NRG3: variants seen among roughly 807,000 people sequenced by gnomAD.
NRG3 encodes pro-neuregulin-3, membrane-bound isoform.
Under a neutral mutation model 66.9 loss-of-function variants are expected in NRG3, and 31 were observed. The observed-to-expected ratio is 0.46, with a 90% CI of 0.35 to 0.63. NRG3 has a LOEUF of 0.63. Among genes scored for constraint, NRG3 ranks in the 20% least tolerant of loss-of-function variants. The pLI is 0.00. For synonymous variants in NRG3, 393 were observed against 359.4 expected, an observed-to-expected ratio of 1.09 and a Z score of -1.06; for missense variants, 910 against 878.9, an observed-to-expected ratio of 1.04 and a Z score of -0.45.
intron 1 of NRG3, among the ~76,000 whole-genome samples, chr10:82,099,173 T>G (rs1422461863): frequency 3.3e-5 from 5 of 152,208 alleles, no homozygotes; most frequent in Non-Finnish European, 7.4e-5. Flanking sequence ...TTTGCCTAAC[T>G]TACTGTAGGT....
At chr10:82,114,527 A>G (rs1447111983) in intron 1 of NRG3, among the ~76,000 whole-genome samples, 1 of 152,166 alleles carries the variant, frequency 6.6e-6, no homozygotes, top group Non-Finnish European at 1.5e-5. Context: ...ACAAACACGT[A>G]TACACACACA....
chr10:82,744,948 T>C (rs1321256827), intron 3 of NRG3, among the ~76,000 whole-genome samples: 1 of 152,112 alleles, frequency 6.6e-6, no homozygotes, highest in Non-Finnish European at 1.5e-5. Flanking sequence ...TAGTACACAG[T>C]GTACAAGGCA....
At chr10:82,244,538 A>AT (rs1049757629) in intron 1 of NRG3, among the ~76,000 whole-genome samples, 1 of 151,918 alleles carries the variant, frequency 6.6e-6, no homozygotes, top group Non-Finnish European at 1.5e-5. Context: ...ATTTTGTTGA[A>AT]TTTTTTTCTC....
At chr10:82,018,378 A>T (rs2061889940) in intron 1 of NRG3, among the ~76,000 whole-genome samples, 1 of 152,138 alleles carries the variant, frequency 6.6e-6, no homozygotes, top group African/African-American at 2.4e-5. Flanking sequence ...TGATGCCTCC[A>T]GCTTTGTTCT....
intron 1 of NRG3, among the ~76,000 whole-genome samples, chr10:82,123,605 C>T (rs566618620): frequency 6.6e-5 from 10 of 152,286 alleles, no homozygotes; most frequent in African/African-American, 2.4e-4. Flanking sequence ...CAAACAGTCT[C>T]CCTGCAAAGG....
intron 1 of NRG3, among the ~76,000 whole-genome samples, chr10:82,347,475 C>G (rs1034550332): frequency 4.0e-5 from 6 of 151,614 alleles, no homozygotes; most frequent in African/African-American, 1.5e-4. Context: ...CTGAGGAGAG[C>G]TTTACTTCCA....
At chr10:82,234,080 C>T (rs1431969515) in intron 1 of NRG3, among the ~76,000 whole-genome samples, 1 of 152,148 alleles carries the variant, frequency 6.6e-6, no homozygotes, top group African/African-American at 2.4e-5. Flanking sequence ...CGGCTCAAAA[C>T]CATTCTCATT....
intron 1 of NRG3, among the ~76,000 whole-genome samples, chr10:81,995,268 A>G (rs1364792516): frequency 1.3e-5 from 2 of 152,236 alleles, no homozygotes; most frequent in African/African-American, 4.8e-5. Context: ...ATTATAGTAT[A>G]CAAGAGATAA....
chr10:82,960,200 G>A (rs1850489899), intron 6 of NRG3, among the ~76,000 whole-genome samples: 1 of 152,312 alleles, frequency 6.6e-6, no homozygotes, highest in Admixed American at 6.5e-5. Context: ...TCCCAGGCAA[G>A]TTTTGTTAAA....
chr10:82,711,550 T>C (rs2056668110), intron 2 of NRG3, among the ~76,000 whole-genome samples: 1 of 148,686 alleles, frequency 6.7e-6, no homozygotes, highest in African/African-American at 2.6e-5. Flanking sequence ...TGTGTGTGTG[T>C]GTGTGTGTGT....
At chr10:82,377,218 T>G (rs2085298485) in intron 2 of NRG3, among the ~76,000 whole-genome samples, 1 of 152,224 alleles carries the variant, frequency 6.6e-6, no homozygotes. Flanking sequence ...AATAACTTGC[T>G]CATTTTATGC....
intron 6 of NRG3, among the ~76,000 whole-genome samples, chr10:82,963,166 A>T (rs1850841564): frequency 6.6e-6 from 1 of 152,212 alleles, no homozygotes; most frequent in South Asian, 2.1e-4. Context: ...TACCTAAAGG[A>T]GGTCACATGT....
At position 82,767,883 on chromosome 10, in the gene NRG3, C is replaced by CTCTA. The variant is rs1427318559; in HGVS notation, c.1027+29236_1027+29237insATCT. On this transcript the variant is annotated intron_variant, in intron 3 of 8. Transcript: ENST00000372141. ...TATGAATTATCTCTGTTCTCTCTCTCTCTCTCTCTCTCTCTCATCCTCTGT... is the reference window on the plus strand; with the variant it reads ...TATGAATTATCTCTGTTCTCTCTCTCTCTATCTCTCTCTCTCTCTCATCCTCTGT... Among the ~76,000 whole-genome samples, 5 of 151,970 alleles carry CTCTA rather than the reference C, an allele frequency of 3.3e-5. No individual in the cohort carries two copies. The East Asian group carries it at 7.8e-4, about 24-fold the overall frequency.
chr10:82,219,712 A>G (rs558626880), intron 1 of NRG3, among the ~76,000 whole-genome samples: 44 of 152,228 alleles, frequency 2.9e-4, no homozygotes, highest in African/African-American at 1.1e-3. Flanking sequence ...ATCTCGCCAA[A>G]TAGTGTATCC....
Position 81,952,682 on chromosome 10 carries a change from G to A in NRG3, c.823+76519G>A, listed in dbSNP as rs112585874. On this transcript the variant is annotated intron_variant, in intron 1 of 8. Coordinates refer to ENST00000372141, the MANE Select transcript of NRG3 (RefSeq NM_001010848.4). ...TAGAGTGTCACAATAATAGCTGAAT[G>A]GAGCCTTGAACTCCTGGCTTAAGCG... Among the ~76,000 whole-genome samples, 595 of 152,140 alleles carry A rather than the reference G, an allele frequency of 3.9e-3. 2 individuals carry two copies. Among genetic ancestry groups the A allele is most frequent in the African/African-American group, 0.013 (559 of 41,502 alleles).
At chr10:82,928,227 T>A (rs983638857) in intron 4 of NRG3, among the ~76,000 whole-genome samples, 1 of 152,228 alleles carries the variant, frequency 6.6e-6, no homozygotes, top group African/African-American at 2.4e-5. Context: ...ATTTGTAGAT[T>A]CTGCATATTA....
intron 4 of NRG3, among the ~76,000 whole-genome samples, chr10:82,880,402 T>G (rs1842204639): frequency 6.6e-6 from 1 of 152,174 alleles, no homozygotes; most frequent in Non-Finnish European, 1.5e-5. Flanking sequence ...AAAGTTAGTC[T>G]TTTAAAAAAG....
At chr10:82,654,046 C>T (rs553012065) in intron 2 of NRG3, among the ~76,000 whole-genome samples, 102 of 152,228 alleles carry the variant, frequency 6.7e-4, no homozygotes, top group Non-Finnish European at 1.2e-3. Flanking sequence ...AAGAGCACTA[C>T]ATTATTTGTG....
intron 1 of NRG3, among the ~76,000 whole-genome samples, chr10:82,194,748 A>G (rs898512521): frequency 1.3e-5 from 2 of 152,164 alleles, no homozygotes; most frequent in Non-Finnish European, 2.9e-5. Context: ...GCGTTGAATA[A>G]TAGATATTAT....
Sources: gnomAD v4.1 joint callset for allele counts (sites outside exome capture counted in the v4.1 genomes callset) on GRCh38, gnomAD v4.1.1 for gene constraint, MANE v1.5 for transcripts, NCBI Gene and HGNC (gene_info 2026-07-23, HGNC 2026-07-21) for gene names.